Variants in UNC5C observed in about 807,000 individuals in gnomAD.
UNC5C encodes the protein unc-5 netrin receptor C.
In UNC5C, 47 loss-of-function variants were observed where a neutral mutation model predicts 99.8. That is an observed-to-expected ratio of 0.47 (90% CI 0.37 to 0.60). The LOEUF is 0.60. Ranked by LOEUF, UNC5C falls within the 20% of genes least tolerant of loss-of-function variation. The pLI, the probability that UNC5C is intolerant of heterozygous loss-of-function variation, is 0.00. For missense variants in UNC5C, 1,062 were observed against 1,165.9 expected (o/e 0.91, Z 1.30); for synonymous variants, 487 against 452.2 (o/e 1.08, Z -0.98).
chr4:95,250,644 G>T lies in UNC5C; in HGVS notation c.618C>A (p.Asp206Glu). The T allele has an allele frequency of 1.2e-6, 2 of 1,613,750 alleles. No individual in the cohort carries two copies. The highest frequency in any genetic ancestry group is 2.2e-5 in the South Asian group (2 of 90,998). The change falls in exon 5 of 16, where the codon GAC (aspartate) becomes GAA (glutamate). Residue 206 changes from aspartate (D) to glutamate (E), a missense_variant. Transcript: ENST00000453304. ...TCCGATCTTCAACGGGATCAATTATGTCTTCATTTTTCAACCATTCCACCT... is the reference window on the plus strand; with the variant it reads ...TCCGATCTTCAACGGGATCAATTATTTCTTCATTTTTCAACCATTCCACCT... ...VAEVEWLKNE[D>E]IIDPVEDRNF...
intron 1 of UNC5C, among the ~76,000 whole-genome samples, chr4:95,490,327 T>A (rs939537037): frequency 4.0e-5 from 6 of 151,754 alleles, no homozygotes; most frequent in African/African-American, 1.5e-4. Flanking sequence ...AAGACAGTTC[T>A]GCCAATAAAC....
At chr4:95,411,157 A>G (rs1367960941) in intron 1 of UNC5C, among the ~76,000 whole-genome samples, 3 of 152,206 alleles carry the variant, frequency 2.0e-5, no homozygotes, top group African/African-American at 7.2e-5. Context: ...GAGAATGACC[A>G]GGACAGGGAA....
chr4:95,331,939 G>A (rs1743128404), intron 2 of UNC5C, among the ~76,000 whole-genome samples: 1 of 151,958 alleles, frequency 6.6e-6, no homozygotes, highest in Non-Finnish European at 1.5e-5. Flanking sequence ...GACAAACAGA[G>A]AGCCAAATCA....
chr4:95,489,026 A>G (rs964191210), intron 1 of UNC5C, among the ~76,000 whole-genome samples: 7 of 151,036 alleles, frequency 4.6e-5, no homozygotes, highest in African/African-American at 1.7e-4. Context: ...TGACTTAATA[A>G]AAATGAGTAT....
At chr4:95,354,151 T>A (rs1744085355) in intron 1 of UNC5C, among the ~76,000 whole-genome samples, 1 of 152,116 alleles carries the variant, frequency 6.6e-6, no homozygotes, top group Non-Finnish European at 1.5e-5. Flanking sequence ...ACTATTATCA[T>A]CATTTTTTGC....
chr4:95,486,537 C>T (rs1258819639), intron 1 of UNC5C, among the ~76,000 whole-genome samples: 1 of 151,602 alleles, frequency 6.6e-6, no homozygotes, highest in Non-Finnish European at 1.5e-5. Flanking sequence ...ATCCATTATC[C>T]TACACTTAAC....
intron 3 of UNC5C, among the ~76,000 whole-genome samples, chr4:95,290,589 A>G (rs549979859): frequency 6.6e-6 from 1 of 152,338 alleles, no homozygotes; most frequent in East Asian, 1.9e-4. Context: ...GTTATTTACA[A>G]AATGAAGATA....
intron 4 of UNC5C, among the ~76,000 whole-genome samples, chr4:95,253,955 G>A (rs1010313666): frequency 3.3e-5 from 5 of 152,064 alleles, no homozygotes; most frequent in East Asian, 3.9e-4. Context: ...TTTCCTTTAC[G>A]TTTTTCTCAT....
At chr4:95,370,188 C>G (rs1303167476) in intron 1 of UNC5C, among the ~76,000 whole-genome samples, 2 of 151,532 alleles carry the variant, frequency 1.3e-5, no homozygotes, top group African/African-American at 4.9e-5. Context: ...AAGACTCAGG[C>G]CATAAAAGAA....
rs10712546 is a variant in UNC5C at position 95,520,596 on chromosome 4, A to AT, written c.124+28137dup. On this transcript the variant is annotated intron_variant, in intron 1 of 15. Transcript: ENST00000453304. Reference sequence around the variant, plus strand: ...CCATTTTTCAGAAAAACTATCTAGTATTTTTTTTTTTTTTTTTTTTGAGAC... The same window carrying AT: ...CCATTTTTCAGAAAAACTATCTAGTATTTTTTTTTTTTTTTTTTTTTGAGAC... Among the ~76,000 whole-genome samples the AT allele has an allele frequency of 3.7e-3, 362 of 98,782 alleles. 3 individuals are homozygous for AT. Among genetic ancestry groups the AT allele is most frequent in the Admixed American group, 0.013 (115 of 8,972 alleles). The allele number at this position is 98,782 out of a possible 152,430, so 64.8% of individuals were successfully genotyped here.
At chr4:95,421,131 T>C (rs1336944503) in intron 1 of UNC5C, among the ~76,000 whole-genome samples, 1 of 152,244 alleles carries the variant, frequency 6.6e-6, no homozygotes, top group African/African-American at 2.4e-5. Flanking sequence ...TCTCCAGTCA[T>C]TTCTATCCAA....
chr4:95,295,736 G>A (rs1039830547), intron 3 of UNC5C, among the ~76,000 whole-genome samples: 82 of 152,250 alleles, frequency 5.4e-4, no homozygotes, highest in African/African-American at 1.9e-3. Flanking sequence ...GATGGCCCTC[G>A]GTCAAGTATT....
At position 95,296,689 on chromosome 4, in the gene UNC5C, G is replaced by A. The variant is rs142673108; in HGVS notation, c.490+4917C>T. ...ACTGGCAATTTTAAGTATATATTGT[G>A]CTTGCTATTAATGAATACATAGAAA... On this transcript the variant is annotated intron_variant, in intron 3 of 15. Transcript: ENST00000453304. 1.2e-3 allele frequency among the ~76,000 whole-genome samples: 178 copies of A among 152,222 alleles called. 2 individuals carry two copies. The East Asian group carries it at 0.03, about 26-fold the overall frequency.
intron 1 of UNC5C, among the ~76,000 whole-genome samples, chr4:95,490,625 C>G (rs1721457015): frequency 6.6e-6 from 1 of 151,562 alleles, no homozygotes; most frequent in African/African-American, 2.4e-5. Context: ...AAAAAATTAT[C>G]ATTCAGTAGT....
At chr4:95,222,494 G>A (rs1738508664) in intron 7 of UNC5C, among the ~76,000 whole-genome samples, 1 of 152,116 alleles carries the variant, frequency 6.6e-6, no homozygotes, top group Non-Finnish European at 1.5e-5. Context: ...CTGGTCTCGA[G>A]TCACTAACTT....
At chr4:95,244,385 T>C (rs35780120) in intron 6 of UNC5C, among the ~76,000 whole-genome samples, 51,223 of 152,028 alleles carry the variant, frequency 0.34, 8,950 homozygotes, top group East Asian at 0.59. Flanking sequence ...GCATGCACTC[T>C]TGCTGTAGGT....
chr4:95,418,343 G>C (rs1054054739), intron 1 of UNC5C, among the ~76,000 whole-genome samples: 1 of 152,174 alleles, frequency 6.6e-6, no homozygotes, highest in Non-Finnish European at 1.5e-5. Flanking sequence ...TTAGAAACGC[G>C]ATGACAAGAG....
chr4:95,432,184 G>A (rs1211695508), intron 1 of UNC5C, among the ~76,000 whole-genome samples: 1 of 152,014 alleles, frequency 6.6e-6, no homozygotes, highest in Non-Finnish European at 1.5e-5. Flanking sequence ...ATTTTAATTA[G>A]CAATGGTGCT....
In UNC5C at chr4:95,318,865, A is replaced by T. The variant is rs1045119375; in HGVS notation, c.346+16545T>A. The stretch of plus-strand genomic sequence containing the variant: ...ATTGAAGAAAGCAGGAGCTCTATCC[A>T]TGTAACTCTATACCATAGGACTACC... On this transcript the variant is annotated intron_variant, in intron 2 of 15. Coordinates refer to ENST00000453304, the MANE Select transcript of UNC5C (RefSeq NM_003728.4). Among the ~76,000 whole-genome samples, 4 of 152,244 alleles carry T rather than the reference A, an allele frequency of 2.6e-5. No individual in the cohort carries two copies. In the South Asian group the frequency reaches 8.3e-4, roughly 31 times the overall value.
Sources: allele counts gnomAD v4.1 joint callset (sites outside exome capture counted in the v4.1 genomes callset), GRCh38; gene constraint gnomAD v4.1.1; transcripts MANE v1.5; gene names NCBI Gene and HGNC (gene_info 2026-07-23, HGNC 2026-07-21).